The following HEXA variants were observed in gnomAD, a reference collection of about 807,000 sequenced individuals.
HEXA encodes beta-hexosaminidase subunit alpha.
In HEXA, 54 loss-of-function variants were observed where a neutral mutation model predicts 73.3. The observed-to-expected ratio is 0.74, with a 90% CI of 0.59 to 0.92. The LOEUF (loss-of-function observed/expected upper bound fraction) is 0.92. Ranked by LOEUF, HEXA falls within the 40% of genes least tolerant of loss-of-function variation. The pLI is 0.00. For missense variants in HEXA, 649 were observed against 653.0 expected, an observed-to-expected ratio of 0.99 and a Z score of 0.07; for synonymous variants, 230 against 246.9, an observed-to-expected ratio of 0.93 and a Z score of 0.64.
chr15:72,355,631 TG>T lies in HEXA; in HGVS notation c.347-8del. ...TCATTTATGGTCAGGGTATCTGAAA[TG>T]ACAGAAATGAACTCATTTAGTTGGT... On this transcript the variant is annotated splice_polypyrimidine_tract_variant and splice_region_variant and intron_variant, in intron 2 of 13. Transcript: ENST00000268097. The T allele has an allele frequency of 6.3e-7, 1 of 1,596,284 alleles. No homozygotes were observed. Among genetic ancestry groups the T allele is most frequent in the South Asian group, 1.1e-5 (1 of 90,702 alleles).
intron 4 of HEXA, 107 bp from the exon 5 acceptor site, chr15:72,353,285 C>G: frequency 1.3e-6 from 1 of 747,598 alleles, no homozygotes. Context: ...CAATCTGTGA[C>G]TGTTCTCAGG....
At chr15:72,369,879 TC>T (rs1275872838) in intron 1 of HEXA, 1 of 152,096 alleles carries the variant, frequency 6.6e-6, no homozygotes, top group Non-Finnish European at 1.5e-5. Flanking sequence ...TCAAAAACCT[TC>T]CAATGCTATG....
At position 72,341,139 on chromosome 15, in the gene HEXA, T is replaced by G. The variant is rs1299633663; in HGVS notation, c.*2938A>C. 6.6e-6 allele frequency: 1 copy of G among 152,148 alleles called. No homozygotes were observed. Among genetic ancestry groups the G allele is most frequent in the Non-Finnish European group, 1.5e-5 (1 of 68,042 alleles). 9.4% of individuals were successfully genotyped at this position (152,148 alleles called of 1,614,324 possible). A position where few individuals can be genotyped will look rare whatever the true frequency, so the allele number is the denominator to read the frequency against. ...GTGCTAGGAATGTTGCCATAAGGTA[T>G]GTGTACCTACATTAATACTAAATAA... On this transcript the variant is annotated 3_prime_UTR_variant, in exon 14 of 14. Coordinates refer to ENST00000268097, the MANE Select transcript of HEXA (RefSeq NM_000520.6).
chr15:72,370,744 A>G (rs2088981073), intron 1 of HEXA: 1 of 395,388 alleles, frequency 2.5e-6, no homozygotes. Context: ...GGCTGTGAGA[A>G]GAGAGGCTGG....
intron 13 of HEXA, 146 bp downstream of exon 13, chr15:72,345,300 G>A (rs916219265): frequency 5.6e-6 from 8 of 1,435,324 alleles, no homozygotes; most frequent in African/African-American, 4.3e-5. Context: ...ACTTTTTATC[G>A]CAGTTGGTTG....
At chr15:72,344,501 T>G (rs778471416) in intron 13 of HEXA, among the ~76,000 whole-genome samples, 29 of 152,182 alleles carry the variant, frequency 1.9e-4, no homozygotes, top group Non-Finnish European at 3.5e-4. Flanking sequence ...TTGGTCTACT[T>G]AGCCCTCTGT....
chr15:72,348,978 C>T, intron 8 of HEXA, 101 bp downstream of exon 8: 6 of 937,638 alleles, frequency 6.4e-6, no homozygotes, highest in Non-Finnish European at 1.1e-5. Flanking sequence ...CCATACAGAC[C>T]CCTGAGAGCA....
intron 1 of HEXA, chr15:72,357,668 C>T (rs2088803222): frequency 2.6e-5 from 4 of 152,124 alleles, no homozygotes; most frequent in Admixed American, 2.6e-4. Flanking sequence ...ATAGGATGGC[C>T]TGGCAGAAGG....
chr15:72,355,785 C>T, intron 2 of HEXA, 161 bp from the exon 3 acceptor site: 3 of 648,368 alleles, frequency 4.6e-6, no homozygotes, highest in South Asian at 1.6e-5. Context: ...AGCAAGACAG[C>T]TGTAGGATGG....
At chr15:72,365,490 C>T (rs2088905001) in intron 1 of HEXA, among the ~76,000 whole-genome samples, 1 of 152,138 alleles carries the variant, frequency 6.6e-6, no homozygotes, top group African/African-American at 2.4e-5. Context: ...CTTATGCTTT[C>T]TTTTGCTTTA....
rs2088617556 is a variant in HEXA at position 72,346,588 on chromosome 15, G to A, written c.1269C>T (p.Asn423=). ...TCCAGTCAGGGCCATAGGATATACG[G>A]TTCAGGTACCAGGGGGCAGAGAGAA... ...RALLSAPWYL[N]RISYGPDWKD... is the part of the protein sequence containing the mutation. The change falls in exon 11 of 14, where the codon AAC becomes AAT. Residue 423 remains asparagine (N), a synonymous_variant. Coordinates refer to ENST00000268097, the MANE Select transcript of HEXA (RefSeq NM_000520.6). 3 of 1,614,012 alleles carry A rather than the reference G, an allele frequency of 1.9e-6. No individual in the cohort carries two copies. Among genetic ancestry groups the A allele is most frequent in the East Asian group, 4.5e-5 (2 of 44,884 alleles).
At position 72,375,880 on chromosome 15, in the gene HEXA, T is replaced by C. The variant is rs2089059614; in HGVS notation, c.93A>G (p.Gln31=). The change falls in exon 1 of 14, where the codon CAA becomes CAG. Residue 31 remains glutamine, a synonymous_variant. Transcript: ENST00000268097. ...TALWPWPQNF[Q]TSDQRYVLYP... ...AAAGGACGTAGCGCTGGTCGGAGGTTTGGAAGTTCTGAGGCCAGGGCCAGA... is the reference window on the plus strand; with the variant it reads ...AAAGGACGTAGCGCTGGTCGGAGGTCTGGAAGTTCTGAGGCCAGGGCCAGA... 1 of 1,614,154 alleles carries C rather than the reference T, an allele frequency of 6.2e-7. No individual in the cohort carries two copies. Among genetic ancestry groups the C allele is most frequent in the Non-Finnish European group, 8.5e-7 (1 of 1,180,020 alleles).
chr15:72,375,097 T>C (rs757879344), intron 1 of HEXA, among the ~76,000 whole-genome samples: 2 of 140,474 alleles, frequency 1.4e-5, no homozygotes, highest in Non-Finnish European at 3.1e-5. Context: ...GGGGGGGGGG[T>C]TGTTTTTCTG....
intron 13 of HEXA, 174 bp downstream of exon 13, chr15:72,345,272 A>ATT: frequency 1.5e-5 from 17 of 1,148,344 alleles, no homozygotes; most frequent in Admixed American, 2.7e-5. Flanking sequence ...TTTTTGTTGT[A>ATT]TTTTTTTTTT....
At chr15:72,366,739 C>T (rs536844261) in intron 1 of HEXA, among the ~76,000 whole-genome samples, 2 of 152,254 alleles carry the variant, frequency 1.3e-5, no homozygotes, top group East Asian at 3.9e-4. Flanking sequence ...AGTCATCCAA[C>T]AACATCCTCC....
Position 72,366,780 on chromosome 15 carries a change from C to T in HEXA, c.253+8940G>A, listed in dbSNP as rs77809607. 0.031 allele frequency among the ~76,000 whole-genome samples: 4,698 copies of T among 152,182 alleles called. 524 individuals carry two copies. The East Asian group carries it at 0.38, about 12-fold the overall frequency. On this transcript the variant is annotated intron_variant, in intron 1 of 13. Coordinates refer to ENST00000268097, the MANE Select transcript of HEXA (RefSeq NM_000520.6). ...CTCCTCAACCACCCTCCTGTGGTTG[C>T]CTTTTGGACCTTCTTCTCCTCGGAA... is the stretch of plus-strand genomic sequence containing the variant.
chr15:72,346,090 C>A, intron 12 of HEXA, 145 bp downstream of exon 12: 1 of 680,144 alleles, frequency 1.5e-6, no homozygotes, highest in Non-Finnish European at 2.7e-6. Flanking sequence ...GCACACAAAT[C>A]TTCAGAAGGC....
chr15:72,343,764 T>C lies in HEXA; in HGVS notation c.*313A>G, dbSNP rs2088576242. On this transcript the variant is annotated 3_prime_UTR_variant, in exon 14 of 14. Coordinates refer to ENST00000268097, the MANE Select transcript of HEXA (RefSeq NM_000520.6). ...AGGCAAGGCAGAACAGCACAAAGGC[T>C]ATAGGTTTCATTCCCAGCCCTCAAC... 1 of 384,542 alleles carries C rather than the reference T, an allele frequency of 2.6e-6. No homozygotes were observed. The highest frequency in any genetic ancestry group is 5.0e-6 in the Non-Finnish European group (1 of 200,250). The allele number at this position is 384,542 out of a possible 1,614,324, so 23.8% of individuals were successfully genotyped here. A position where few individuals can be genotyped will look rare whatever the true frequency, so the allele number is the denominator to read the frequency against.
chr15:72,350,135 T>C, intron 7 of HEXA: 1 of 322,702 alleles, frequency 3.1e-6, no homozygotes, highest in Non-Finnish European at 6.0e-6. Flanking sequence ...GGGCTCACAC[T>C]GGAGGGCTGA....
Sources: allele counts gnomAD v4.1 joint callset (sites outside exome capture counted in the v4.1 genomes callset), GRCh38; gene constraint gnomAD v4.1.1; transcripts MANE v1.5; gene names NCBI Gene and HGNC (gene_info 2026-07-23, HGNC 2026-07-21).